ATL3: variants seen among roughly 807,000 people sequenced by gnomAD.
ATL3 encodes the protein atlastin GTPase 3, also known as atlastin-3.
Under a neutral mutation model 69.5 loss-of-function variants are expected in ATL3, and 49 were observed. The observed-to-expected ratio is 0.71, with a 90% CI of 0.56 to 0.89. The LOEUF (loss-of-function observed/expected upper bound fraction) is 0.89. Ranked by LOEUF, ATL3 falls within the 40% of genes least tolerant of loss-of-function variation. The probability of loss-of-function intolerance (pLI) is 0.00; values close to 1 mark genes in which losing one functional copy is unlikely to be tolerated. For missense variants in ATL3, 606 were observed against 645.7 expected, an observed-to-expected ratio of 0.94 and a Z score of 0.67; for synonymous variants, 214 against 224.1, an observed-to-expected ratio of 0.95 and a Z score of 0.40.
At chr11:63,659,793 G>C (rs1490517790) in intron 1 of ATL3, among the ~76,000 whole-genome samples, 2 of 151,686 alleles carry the variant, frequency 1.3e-5, no homozygotes, top group African/African-American at 4.8e-5. Context: ...AAAATTAGCT[G>C]GGTGTGGTGG....
chr11:63,645,564 C>G (rs12292334), intron 6 of ATL3, among the ~76,000 whole-genome samples: 4 of 150,760 alleles, frequency 2.7e-5, no homozygotes, highest in Admixed American at 6.6e-5. Flanking sequence ...GAGAGAGAGA[C>G]AGAGAGAGAC....
chr11:63,638,827 T>C (rs1590723978), intron 8 of ATL3, among the ~76,000 whole-genome samples: 3 of 152,158 alleles, frequency 2.0e-5, no homozygotes, highest in East Asian at 3.9e-4. Context: ...GGCAGGCATC[T>C]ACCTCTAAAT....
intron 5 of ATL3, among the ~76,000 whole-genome samples, chr11:63,647,508 T>A (rs1275943376): frequency 6.6e-6 from 1 of 152,240 alleles, no homozygotes; most frequent in Non-Finnish European, 1.5e-5. Flanking sequence ...AGTTTTTTTC[T>A]TAACATTTAT....
intron 8 of ATL3, chr11:63,637,689 C>T (rs1047153707): frequency 1.3e-5 from 2 of 152,162 alleles, no homozygotes; most frequent in East Asian, 3.8e-4. Context: ...TTTACATAAT[C>T]TTCTAACATC....
At chr11:63,642,895 C>T (rs1197146252) in intron 8 of ATL3, among the ~76,000 whole-genome samples, 1 of 152,124 alleles carries the variant, frequency 6.6e-6, no homozygotes, top group Non-Finnish European at 1.5e-5. Flanking sequence ...CCCAAGAGTC[C>T]CAACTACGAT....
intron 8 of ATL3, among the ~76,000 whole-genome samples, chr11:63,640,477 G>A (rs1268641226): frequency 6.6e-6 from 1 of 151,538 alleles, no homozygotes; most frequent in Non-Finnish European, 1.5e-5. Context: ...TTTAGCGATG[G>A]GGGGGATCTC....
intron 10 of ATL3, 85 bp from the exon 11 acceptor site, chr11:63,633,182 C>A: frequency 9.5e-7 from 1 of 1,054,142 alleles, no homozygotes; most frequent in Non-Finnish European, 1.5e-6. Context: ...CTTCTCTATT[C>A]CCCATTCTTC....
chr11:63,664,715 C>T (rs1345953093), intron 1 of ATL3, among the ~76,000 whole-genome samples: 2 of 149,700 alleles, frequency 1.3e-5, no homozygotes, highest in Non-Finnish European at 3.0e-5. Context: ...CTCCGCCTCC[C>T]GGGTTCAAGC....
intron 8 of ATL3, among the ~76,000 whole-genome samples, chr11:63,639,934 C>CTT (rs1247687819): frequency 6.8e-6 from 1 of 146,850 alleles, no homozygotes. Flanking sequence ...TCTACCTTAT[C>CTT]TTTTTTTTTT....
Position 63,631,389 on chromosome 11 carries a change from T to C in ATL3, c.1190A>G (p.His397Arg). The change falls in exon 12 of 13, where the codon CAT (histidine) becomes CGT (arginine). Residue 397 changes from histidine (H) to arginine (R), a missense_variant. Transcript: ENST00000398868. ...ACCCATCTTCTTGGTCTTCTTAAAA[T>C]GGTCCAGAGCAAGTTGTTTGAATTC... ...HCEFKQLALD[H>R]FKKTKKMGGK... 2 of 1,614,194 alleles carry C rather than the reference T, an allele frequency of 1.2e-6. No homozygotes were observed. The highest frequency in any genetic ancestry group is 3.3e-5 in the Admixed American group (2 of 60,018).
Position 63,633,051 on chromosome 11 carries a change from TC to T in ATL3, c.1081del (p.Asp361ThrfsTer23). On this transcript the variant is annotated frameshift_variant, in exon 11 of 13. Transcript: ENST00000398868. LOFTEE classifies it high-confidence loss of function. ...CTCTTCCATGTTGTTATAATAAATG[TC>T]CTTGGCAGAGGCTGCAGCTGCTAAG... ...NNLAAAASAK[D>X]IYYNNMEEVC... is the part of the protein sequence containing the mutation. The T allele has an allele frequency of 6.2e-7, 1 of 1,614,164 alleles. No individual in the cohort carries two copies. The highest frequency in any genetic ancestry group is 8.5e-7 in the Non-Finnish European group (1 of 1,179,988).
intron 8 of ATL3, 142 bp from the exon 9 acceptor site, chr11:63,636,476 C>G: frequency 3.5e-6 from 4 of 1,140,560 alleles, no homozygotes; most frequent in Non-Finnish European, 4.9e-6. Flanking sequence ...CGGTGGCTCA[C>G]GCCTATAATC....
chr11:63,629,173 T>C lies in ATL3; in HGVS notation c.*146A>G, dbSNP rs968805583. On this transcript the variant is annotated 3_prime_UTR_variant, in exon 13 of 13. Coordinates refer to ENST00000398868, the MANE Select transcript of ATL3 (RefSeq NM_015459.5). ...ATAATTTGAAACCACAGGAGAGGTC[T>C]GCTCATTTATTACAGGGCCATGTTT... 4.7e-6 allele frequency: 3 copies of C among 637,302 alleles called. No individual in the cohort carries two copies. The highest frequency in any genetic ancestry group is 8.5e-6 in the Non-Finnish European group (3 of 352,352). 39.5% of individuals were successfully genotyped at this position (637,302 alleles called of 1,614,324 possible).
chr11:63,635,166 A>G (rs1011227138), intron 10 of ATL3, among the ~76,000 whole-genome samples: 11 of 152,106 alleles, frequency 7.2e-5, no homozygotes, highest in African/African-American at 2.7e-4. Flanking sequence ...GTCTCAAAAA[A>G]ATAATAAATT....
At position 63,631,168 on chromosome 11, in the gene ATL3, G is replaced by A; in HGVS notation, c.1411C>T (p.Gln471Ter). 2.5e-6 allele frequency: 4 copies of A among 1,614,152 alleles called. No homozygotes were observed. Among genetic ancestry groups the A allele is most frequent in the Non-Finnish European group, 3.4e-6 (4 of 1,180,030 alleles). Residue 471 changes from glutamine to a stop codon, truncating the protein, a stop_gained, in exon 12 of 13, where the codon CAG (glutamine) becomes TAG (stop). Transcript: ENST00000398868. LOFTEE classifies it high-confidence loss of function. ...AGTCCAACCATACAGTTGAACAACTGGGCTACAACCTCAAGACCTATGAAG... is the reference window on the plus strand; with the variant it reads ...AGTCCAACCATACAGTTGAACAACTAGGCTACAACCTCAAGACCTATGAAG... ...TGFIGLEVVA[Q>*]LFNCMVGLLL...
At position 63,632,256 on chromosome 11, in the gene ATL3, T is replaced by C. The variant is rs1590717315; in HGVS notation, c.1107+770A>G. 1.6e-5 allele frequency: 12 copies of C among 734,412 alleles called. No individual in the cohort carries two copies. The East Asian group carries it at 3.1e-4, about 19-fold the overall frequency. 45.5% of individuals were successfully genotyped at this position (734,412 alleles called of 1,614,324 possible). On this transcript the variant is annotated intron_variant, in intron 11 of 12. Coordinates refer to ENST00000398868, the MANE Select transcript of ATL3 (RefSeq NM_015459.5). ...GGTGCTCTGGGGAAACCTTCTGACT[T>C]GTTGGCTATGCTATTCAGTATGGCT... is the stretch of plus-strand genomic sequence containing the variant.
intron 1 of ATL3, among the ~76,000 whole-genome samples, chr11:63,668,530 A>G (rs1454873642): frequency 1.3e-5 from 2 of 152,218 alleles, no homozygotes; most frequent in Non-Finnish European, 2.9e-5. Flanking sequence ...TTTTCGCCAT[A>G]GCACAGAAGG....
chr11:63,671,393 G>C, upstream of ATL3: 2 of 1,536,886 alleles, frequency 1.3e-6, no homozygotes, highest in Non-Finnish European at 1.7e-6. Flanking sequence ...GACGGGTGCG[G>C]GCGGGAACGA....
At chr11:63,653,817 T>C (rs1940155856) in intron 3 of ATL3, among the ~76,000 whole-genome samples, 1 of 151,984 alleles carries the variant, frequency 6.6e-6, no homozygotes, top group African/African-American at 2.4e-5. Context: ...AAAAGATCAG[T>C]GGAGGAGTTT....
Sources: gnomAD v4.1 joint callset for allele counts (sites outside exome capture counted in the v4.1 genomes callset) on GRCh38, gnomAD v4.1.1 for gene constraint, MANE v1.5 for transcripts, NCBI Gene and HGNC (gene_info 2026-07-23, HGNC 2026-07-21) for gene names.